CUEDC1: variants seen among roughly 807,000 people sequenced by gnomAD.
The protein encoded by CUEDC1 is CUE domain containing 1.
Under a neutral mutation model 43.7 loss-of-function variants are expected in CUEDC1, and 30 were observed. That is an observed-to-expected ratio of 0.69 (90% CI 0.51 to 0.93). The LOEUF (loss-of-function observed/expected upper bound fraction) is 0.93. Ranked by LOEUF, CUEDC1 falls within the 40% of genes least tolerant of loss-of-function variation. CUEDC1 has a pLI of 0.00. For missense variants in CUEDC1, 486 were observed against 549.0 expected (o/e 0.89, Z 1.15); for synonymous variants, 223 against 223.6 (o/e 1.00, Z 0.02).
At position 57,923,912 on chromosome 17, in the gene CUEDC1, G is replaced by C. The variant is rs187554447; in HGVS notation, c.-316+31313C>G. Among the ~76,000 whole-genome samples the C allele has an allele frequency of 2.5e-3, 380 of 152,302 alleles. 6 individuals carry two copies. Among genetic ancestry groups the C allele is most frequent in the African/African-American group, 8.8e-3 (364 of 41,562 alleles). On this transcript the variant is annotated intron_variant, in intron 1 of 10. Coordinates refer to ENST00000577830, the MANE Select transcript of CUEDC1 (RefSeq NM_001271875.2). ...ATGAGGAAACAGGCTCGATGGATAA[G>C]TAACAATGGAACTTACACAGGACAG... is the stretch of plus-strand genomic sequence containing the variant.
At chr17:57,899,285 C>T (rs141104109) in intron 1 of CUEDC1, among the ~76,000 whole-genome samples, 180 of 152,320 alleles carry the variant, frequency 1.2e-3, no homozygotes, top group Middle Eastern at 6.8e-3. Flanking sequence ...CTCCCTCCAC[C>T]CGGCCTCAGC....
At chr17:57,868,439 C>A in intron 7 of CUEDC1, 196 bp from the exon 8 acceptor site, 1 of 600,468 alleles carries the variant, frequency 1.7e-6, no homozygotes, top group South Asian at 1.9e-5. Context: ...GAGCAAGAGG[C>A]TACATCCTGG....
At chr17:57,870,890 C>T (rs149049353) in intron 6 of CUEDC1, among the ~76,000 whole-genome samples, 40 of 152,212 alleles carry the variant, frequency 2.6e-4, no homozygotes, top group African/African-American at 9.6e-4. Context: ...ATTTTGTTGC[C>T]CAGGCTGGTC....
chr17:57,945,284 A>G (rs958938235), intron 1 of CUEDC1, among the ~76,000 whole-genome samples: 5 of 152,236 alleles, frequency 3.3e-5, no homozygotes, highest in Non-Finnish European at 7.3e-5. Flanking sequence ...AACATCTAAA[A>G]ACACCCCAAT....
In CUEDC1 at chr17:57,868,632, G is replaced by A. The variant is rs188413077; in HGVS notation, c.941-389C>T. ...CCAAAGTTGGTTCTGGGATTTCCAT[G>A]ACTAATCCGAGATTTTCCTTGAAAT... On this transcript the variant is annotated intron_variant, in intron 7 of 10. Transcript: ENST00000577830. 3.2e-4 allele frequency among the ~76,000 whole-genome samples: 49 copies of A among 152,326 alleles called. No individual in the cohort carries two copies. In the East Asian group the frequency reaches 9.5e-3, roughly 29 times the overall value.
At chr17:57,864,328 A>C (rs1361485358) in intron 10 of CUEDC1, among the ~76,000 whole-genome samples, 6 of 152,212 alleles carry the variant, frequency 3.9e-5, no homozygotes, top group African/African-American at 1.4e-4. Flanking sequence ...CCAGATGCGC[A>C]GAAGTGTTGC....
rs539131497 is a variant in CUEDC1, at chr17:57,873,457, G to A, written c.591+134C>T. 2.2e-4 allele frequency: 234 copies of A among 1,074,376 alleles called. 5 individuals carry two copies. The South Asian group carries it at 2.6e-3, about 12-fold the overall frequency. The allele number at this position is 1,074,376 out of a possible 1,614,324, so 66.6% of individuals were successfully genotyped here. ...TTTCAGTTCAGCATTCCTGCCCTAC[G>A]AACCCAGGGCAACAGAAATAGCTCA... is the stretch of plus-strand genomic sequence containing the variant. On this transcript the variant is annotated intron_variant, in intron 4 of 10. Coordinates refer to ENST00000577830, the MANE Select transcript of CUEDC1 (RefSeq NM_001271875.2).
Position 57,896,403 on chromosome 17 carries a change from A to G in CUEDC1, c.-315-10524T>C, listed in dbSNP as rs2074408390. Among the ~76,000 whole-genome samples, 4 of 151,736 alleles carry G rather than the reference A, an allele frequency of 2.6e-5. No individual in the cohort carries two copies. In the South Asian group the frequency reaches 8.3e-4, roughly 32 times the overall value. ...TAACAAACAAAAATGAGGGATTTCA[A>G]TATGTCTCTTTAGCCCAAGACCTAA... On this transcript the variant is annotated intron_variant, in intron 1 of 10. Transcript: ENST00000577830.
chr17:57,894,941 T>C (rs1418734938), intron 1 of CUEDC1, among the ~76,000 whole-genome samples: 1 of 152,226 alleles, frequency 6.6e-6, no homozygotes, highest in Admixed American at 6.5e-5. Context: ...AAGCCAATTC[T>C]GCCTTCTAGT....
chr17:57,879,704 T>A lies in CUEDC1; in HGVS notation c.371A>T (p.Asp124Val). The change falls in exon 3 of 11, where the codon GAT becomes GTT. Residue 124 changes from aspartate (D) to valine (V), a missense_variant. Coordinates refer to ENST00000577830, the MANE Select transcript of CUEDC1 (RefSeq NM_001271875.2). ...LERTLEPDSS[D>V]EEPPPVYSPP... Reference sequence around the variant, plus strand: ...GGAGTACACAGGTGGGGGCTCTTCATCCGAGCTATCAGGTTCCAAAGTCCT... The same window carrying A: ...GGAGTACACAGGTGGGGGCTCTTCAACCGAGCTATCAGGTTCCAAAGTCCT... 1 of 1,600,370 alleles carries A rather than the reference T, an allele frequency of 6.2e-7. No homozygotes were observed. The highest frequency in any genetic ancestry group is 8.5e-7 in the Non-Finnish European group (1 of 1,175,124).
At chr17:57,937,510 C>T (rs535984992) in intron 1 of CUEDC1, among the ~76,000 whole-genome samples, 14 of 151,424 alleles carry the variant, frequency 9.2e-5, no homozygotes, top group Non-Finnish European at 1.6e-4. Flanking sequence ...ACTCAGGAGG[C>T]TGAGGCAGGA....
chr17:57,887,374 G>A (rs1413232199), intron 1 of CUEDC1, among the ~76,000 whole-genome samples: 1 of 152,176 alleles, frequency 6.6e-6, no homozygotes, highest in Middle Eastern at 3.2e-3. Context: ...ACCAACTTCT[G>A]ACAGTGGCAG....
At chr17:57,870,679 CT>C (rs35465474) in intron 6 of CUEDC1, among the ~76,000 whole-genome samples, 2,585 of 144,912 alleles carry the variant, frequency 0.018, 23 homozygotes, top group African/African-American at 0.021. Context: ...TCCTTTTCTT[CT>C]TTTTTTTTTT....
At position 57,885,729 on chromosome 17, in the gene CUEDC1, G is replaced by T. The variant is rs2074281994; in HGVS notation, c.-165C>A. Reference sequence around the variant, plus strand: ...AGCAATGGGCTGCCAAGAGCTCCGGGTTAGGAGAGTACGGGCGCGGGGCCC... The same window carrying T: ...AGCAATGGGCTGCCAAGAGCTCCGGTTTAGGAGAGTACGGGCGCGGGGCCC... On this transcript the variant is annotated 5_prime_UTR_variant, in exon 2 of 11. Coordinates refer to ENST00000577830, the MANE Select transcript of CUEDC1 (RefSeq NM_001271875.2). The T allele has an allele frequency of 1.7e-6, 2 of 1,172,850 alleles. No homozygotes were observed. Among genetic ancestry groups the T allele is most frequent in the South Asian group, 2.7e-5 (1 of 36,994 alleles). 72.7% of individuals were successfully genotyped at this position (1,172,850 alleles called of 1,614,324 possible).
At chr17:57,875,061 C>T (rs922572904) in intron 3 of CUEDC1, among the ~76,000 whole-genome samples, 2 of 152,080 alleles carry the variant, frequency 1.3e-5, no homozygotes, top group African/African-American at 4.8e-5. Context: ...CATTCCTAGG[C>T]CAAATTTTTT....
chr17:57,910,695 A>G (rs1205588646), intron 1 of CUEDC1, among the ~76,000 whole-genome samples: 1 of 152,188 alleles, frequency 6.6e-6, no homozygotes, highest in Non-Finnish European at 1.5e-5. Flanking sequence ...TATGCCAAAT[A>G]TATCAATAAC....
At chr17:57,925,728 G>T (rs925577909) in intron 1 of CUEDC1, among the ~76,000 whole-genome samples, 30 of 152,190 alleles carry the variant, frequency 2.0e-4, no homozygotes, top group Admixed American at 1.9e-3. Flanking sequence ...CCTGAATGAG[G>T]GAGAATGGCA....
At chr17:57,866,799 C>T in intron 9 of CUEDC1, 1 of 505,420 alleles carries the variant, frequency 2.0e-6, no homozygotes, top group Non-Finnish European at 3.6e-6. Context: ...CAAATTTCCT[C>T]ATCTATAAAA....
At chr17:57,878,288 A>G (rs778127111) in intron 3 of CUEDC1, among the ~76,000 whole-genome samples, 1 of 152,212 alleles carries the variant, frequency 6.6e-6, no homozygotes, top group Non-Finnish European at 1.5e-5. Context: ...TTCCTCGTCC[A>G]TAAATAGGGG....
Sources: allele counts gnomAD v4.1 joint callset (sites outside exome capture counted in the v4.1 genomes callset), GRCh38; gene constraint gnomAD v4.1.1; transcripts MANE v1.5; gene names NCBI Gene and HGNC (gene_info 2026-07-23, HGNC 2026-07-21).